The following SPATA13 variants were observed in gnomAD, a reference collection of about 807,000 sequenced individuals.
The protein encoded by SPATA13 is spermatogenesis associated 13.
In SPATA13, 50 loss-of-function variants were observed where a neutral mutation model predicts 104.0. The observed-to-expected ratio is 0.48, with a 90% CI of 0.38 to 0.61. The LOEUF (loss-of-function observed/expected upper bound fraction) is 0.61. Among genes scored for constraint, SPATA13 ranks in the 20% least tolerant of loss-of-function variants. The pLI, the probability that SPATA13 is intolerant of heterozygous loss-of-function variation, is 0.00. For missense variants in SPATA13, 1,524 were observed against 1,690.6 expected (o/e 0.90, Z 1.73); for synonymous variants, 606 against 667.5 (o/e 0.91, Z 1.42).
intron 4 of SPATA13, among the ~76,000 whole-genome samples, chr13:24,268,976 T>A (rs1874420556): frequency 6.6e-6 from 1 of 152,182 alleles, no homozygotes; most frequent in South Asian, 2.1e-4. Context: ...TAGTATATAG[T>A]CAACATGTGT....
intron 4 of SPATA13, chr13:24,252,945 A>G (rs1873578782): frequency 6.6e-6 from 1 of 152,232 alleles, no homozygotes; most frequent in Non-Finnish European, 1.5e-5. Context: ...TTATCTGGGT[A>G]TCCAGTGAGC....
chr13:24,277,501 G>A (rs1875104331), intron 4 of SPATA13, among the ~76,000 whole-genome samples: 1 of 142,196 alleles, frequency 7.0e-6, no homozygotes, highest in African/African-American at 2.8e-5. Flanking sequence ...AGGATGGCTT[G>A]GGGAGGGAAA....
Position 24,024,188 on chromosome 13 carries a change from G to A in SPATA13, c.-112+6487G>A, listed in dbSNP as rs548236141. Among the ~76,000 whole-genome samples the A allele has an allele frequency of 8.9e-4, 135 of 152,344 alleles. 1 individual carries two copies. Among genetic ancestry groups the A allele is most frequent in the African/African-American group, 3.0e-3 (126 of 41,574 alleles). On this transcript the variant is annotated intron_variant, in intron 3 of 14. Coordinates refer to the SPATA13 transcript ENST00000424834. ...GAAGGATGGCTAAGGGAGGTGACCA[G>A]TCACACTGTGAACTGGCCCCATCCA... is the stretch of plus-strand genomic sequence containing the variant.
chr13:24,264,530 T>G (rs1874203994), intron 4 of SPATA13, among the ~76,000 whole-genome samples: 1 of 152,252 alleles, frequency 6.6e-6, no homozygotes, highest in African/African-American at 2.4e-5. Flanking sequence ...CTATTCAGTT[T>G]CCCGTATGTT....
chr13:24,167,643 CCAAT>C (rs1192089855), intron 1 of SPATA13, among the ~76,000 whole-genome samples: 5 of 152,156 alleles, frequency 3.3e-5, no homozygotes, highest in Admixed American at 2.0e-4. Flanking sequence ...CCTTCTCCAA[CCAAT>C]CAGTTGTACC....
At chr13:24,254,692 A>G (rs1377123595) in intron 4 of SPATA13, among the ~76,000 whole-genome samples, 1 of 152,182 alleles carries the variant, frequency 6.6e-6, no homozygotes, top group African/African-American at 2.4e-5. Flanking sequence ...GCTTTCCGCA[A>G]GGGGCTGTCT....
At chr13:24,206,619 C>T (rs1028983304) in intron 1 of SPATA13, among the ~76,000 whole-genome samples, 22 of 152,192 alleles carry the variant, frequency 1.4e-4, no homozygotes, top group Non-Finnish European at 2.4e-4. Context: ...GGGCCAGGCA[C>T]GGTGGCTCAT....
chr13:24,230,430 G>A (rs997018004), intron 2 of SPATA13, among the ~76,000 whole-genome samples: 15 of 152,180 alleles, frequency 9.9e-5, no homozygotes, highest in Non-Finnish European at 2.1e-4. Flanking sequence ...CAGAATTGGG[G>A]AGGGACAGTG....
In SPATA13 at chr13:24,110,687, C is replaced by T. The variant is rs937566060; in HGVS notation, c.-112+92986C>T. Among the ~76,000 whole-genome samples, 41 of 152,264 alleles carry T rather than the reference C, an allele frequency of 2.7e-4. 1 individual carries two copies. Among genetic ancestry groups the T allele is most frequent in the Admixed American group, 6.5e-4 (10 of 15,302 alleles). On this transcript the variant is annotated intron_variant, in intron 3 of 14. Coordinates refer to the SPATA13 transcript ENST00000424834. ...CACAGAAAGGAAACAAACATGCCCC[C>T]GCTGATGAGGTTCTTAGAAGCTATT... is the stretch of plus-strand genomic sequence containing the variant.
At chr13:23,986,849 T>G (rs1487374009) in intron 2 of SPATA13, among the ~76,000 whole-genome samples, 1 of 152,186 alleles carries the variant, frequency 6.6e-6, no homozygotes, top group Non-Finnish European at 1.5e-5. Flanking sequence ...CAGACCCAGA[T>G]GTCTGCAGTT....
intron 3 of SPATA13, among the ~76,000 whole-genome samples, chr13:24,018,890 G>A (rs1876834613): frequency 6.6e-6 from 1 of 152,066 alleles, no homozygotes; most frequent in Non-Finnish European, 1.5e-5. Context: ...GTGTACACTC[G>A]AGAAATAATT....
At position 24,087,611 on chromosome 13, in the gene SPATA13, G is replaced by A. The variant is rs185023875; in HGVS notation, c.-112+69910G>A. ...GTTTAAAGTCAGTGAACAGTGGGGC[G>A]AACTCAGGCATTACAGGAATGAAGA... is the stretch of plus-strand genomic sequence containing the variant. On this transcript the variant is annotated intron_variant, in intron 3 of 14. Transcript: ENST00000424834. 1.2e-4 allele frequency among the ~76,000 whole-genome samples: 18 copies of A among 152,202 alleles called. No homozygotes were observed. The South Asian group carries it at 2.1e-3, about 18-fold the overall frequency.
At chr13:24,237,224 G>T (rs1181152795) in intron 2 of SPATA13, among the ~76,000 whole-genome samples, 1 of 152,054 alleles carries the variant, frequency 6.6e-6, no homozygotes, top group Non-Finnish European at 1.5e-5. Context: ...GGGCATAATG[G>T]TGGGTGCCTG....
intron 2 of SPATA13, among the ~76,000 whole-genome samples, chr13:23,999,551 T>C (rs1168496521): frequency 6.6e-6 from 1 of 152,132 alleles, no homozygotes; most frequent in Non-Finnish European, 1.5e-5. Context: ...GACCTTGACC[T>C]TGTGGGACTC....
At chr13:24,207,204 G>A (rs961035498) in intron 1 of SPATA13, among the ~76,000 whole-genome samples, 1 of 152,174 alleles carries the variant, frequency 6.6e-6, no homozygotes, top group Admixed American at 6.5e-5. Context: ...ACAACACACG[G>A]TGGGGTCTGT....
intron 3 of SPATA13, among the ~76,000 whole-genome samples, chr13:24,134,201 A>T (rs1881481149): frequency 6.6e-6 from 1 of 152,192 alleles, no homozygotes; most frequent in South Asian, 2.1e-4. Flanking sequence ...TCTCCCCAGC[A>T]TGAGGACTTC....
At chr13:23,996,520 A>G (rs1345071533) in intron 2 of SPATA13, among the ~76,000 whole-genome samples, 1 of 152,210 alleles carries the variant, frequency 6.6e-6, no homozygotes, top group Non-Finnish European at 1.5e-5. Flanking sequence ...AAAGTCACCT[A>G]AGAAAATGAA....
At chr13:24,240,473 G>A (rs1872778455) in intron 2 of SPATA13, among the ~76,000 whole-genome samples, 1 of 152,078 alleles carries the variant, frequency 6.6e-6, no homozygotes. Flanking sequence ...GTGGTGACAC[G>A]TGTCTATGAT....
chr13:24,085,633 C>A (rs984417740), intron 3 of SPATA13, among the ~76,000 whole-genome samples: 2 of 152,222 alleles, frequency 1.3e-5, no homozygotes, highest in African/African-American at 4.8e-5. Flanking sequence ...TTTGCCTTTA[C>A]CTGACTTTAC....
Sources: allele counts gnomAD v4.1 joint callset (sites outside exome capture counted in the v4.1 genomes callset), GRCh38; gene constraint gnomAD v4.1.1; transcripts MANE v1.5; gene names NCBI Gene and HGNC (gene_info 2026-07-23, HGNC 2026-07-21).